GSK3B: variants seen among roughly 807,000 people sequenced by gnomAD.
GSK3B encodes the protein glycogen synthase kinase 3 beta.
In GSK3B, 15 loss-of-function variants were observed where a neutral mutation model predicts 56.4. That is an observed-to-expected ratio of 0.27 (90% CI 0.18 to 0.41). The LOEUF is 0.41. Among genes scored for constraint, GSK3B ranks in the 10% least tolerant of loss-of-function variants. GSK3B has a pLI of 1.00. For synonymous variants in GSK3B, 181 were observed against 188.9 expected (o/e 0.96, Z 0.34); for missense variants, 300 against 513.4 (o/e 0.58, Z 4.02).
intron 1 of GSK3B, among the ~76,000 whole-genome samples, chr3:120,070,570 A>G (rs1052946101): frequency 1.3e-5 from 2 of 152,222 alleles, no homozygotes; most frequent in African/African-American, 4.8e-5. Flanking sequence ...AATGTATGGA[A>G]TACCTAAAGA....
intron 2 of GSK3B, among the ~76,000 whole-genome samples, chr3:119,959,913 T>G (rs1263249943): frequency 1.3e-5 from 2 of 151,980 alleles, no homozygotes. Flanking sequence ...TTACCCAGGA[T>G]CCCAGCAATT....
At chr3:119,947,620 A>G (rs1189563807) in intron 2 of GSK3B, among the ~76,000 whole-genome samples, 2 of 152,180 alleles carry the variant, frequency 1.3e-5, no homozygotes, top group African/African-American at 4.8e-5. Context: ...ATATCTAAGA[A>G]TATGGTAATA....
At chr3:119,865,460 A>AT (rs2056167408) in intron 8 of GSK3B, among the ~76,000 whole-genome samples, 1 of 28,490 alleles carries the variant, frequency 3.5e-5, no homozygotes, top group Non-Finnish European at 7.1e-5. Context: ...ATATATATAT[A>AT]TATATATTTT....
intron 2 of GSK3B, 44 bp downstream of exon 2, chr3:120,002,002 G>A: frequency 1.6e-6 from 2 of 1,243,596 alleles, no homozygotes; most frequent in Admixed American, 4.7e-5. Flanking sequence ...TATGGTATAT[G>A]TATTACGACA....
At chr3:119,855,421 C>T (rs1281295354) in intron 9 of GSK3B, among the ~76,000 whole-genome samples, 19 of 152,260 alleles carry the variant, frequency 1.2e-4, no homozygotes, top group African/African-American at 2.4e-4. Context: ...GACAGTGTGG[C>T]GATTCCTCAA....
intron 9 of GSK3B, among the ~76,000 whole-genome samples, chr3:119,862,607 T>A (rs1349866204): frequency 6.7e-6 from 1 of 149,026 alleles, no homozygotes; most frequent in African/African-American, 2.4e-5. Context: ...AAACTCTACA[T>A]CTCCCTTTTT....
chr3:119,905,684 T>C (rs907707961), intron 7 of GSK3B, 71 bp downstream of exon 7: 2 of 875,078 alleles, frequency 2.3e-6, no homozygotes, highest in African/African-American at 1.6e-5. Context: ...TATGTGTACA[T>C]GTGTGATATA....
chr3:119,922,228 G>GGGAGGGAAGGAAGGAAGGAA (rs1406341579), intron 4 of GSK3B, among the ~76,000 whole-genome samples: 6 of 61,490 alleles, frequency 9.8e-5, no homozygotes, highest in South Asian at 6.5e-4. Flanking sequence ...GAAGGAAGGA[G>GGGAGGGAAGGAAGGAAGGAA]GGAAGGAAGG....
chr3:119,882,149 ATTC>A (rs980451908), intron 7 of GSK3B, among the ~76,000 whole-genome samples: 13 of 150,336 alleles, frequency 8.6e-5, no homozygotes, highest in Admixed American at 2.0e-4. Flanking sequence ...AAGTTTTACA[ATTC>A]TTGTTTTTTT....
chr3:119,831,283 T>C (rs1375396618), intron 10 of GSK3B, among the ~76,000 whole-genome samples: 1 of 152,112 alleles, frequency 6.6e-6, no homozygotes, highest in Non-Finnish European at 1.5e-5. Context: ...TTAAGATGAC[T>C]TTCATTTAGA....
At chr3:120,077,724 TATA>T (rs1349096901) in intron 1 of GSK3B, among the ~76,000 whole-genome samples, 1 of 152,160 alleles carries the variant, frequency 6.6e-6, no homozygotes, top group Non-Finnish European at 1.5e-5. Context: ...GCCATTTTAT[TATA>T]ATATGTATCA....
At position 119,822,967 on chromosome 3, in the gene GSK3B, T is replaced by G; in HGVS notation, c.*3821A>C. 1 of 229,414 alleles carries G rather than the reference T, an allele frequency of 4.4e-6. No individual in the cohort carries two copies. Among genetic ancestry groups the G allele is most frequent in the Admixed American group, 5.7e-5 (1 of 17,660 alleles). 14.2% of individuals were successfully genotyped at this position (229,414 alleles called of 1,614,324 possible). On this transcript the variant is annotated 3_prime_UTR_variant, in exon 11 of 11. Coordinates refer to ENST00000264235, the MANE Select transcript of GSK3B (RefSeq NM_001146156.2). ...AGAGAATACTCCTCTCAGAAACCTT[T>G]GCATTGGTGCAGACAAGATGACTGG...
At chr3:119,981,149 T>C (rs1315571150) in intron 2 of GSK3B, among the ~76,000 whole-genome samples, 1 of 152,208 alleles carries the variant, frequency 6.6e-6, no homozygotes, top group Non-Finnish European at 1.5e-5. Flanking sequence ...GGTCCTGGGC[T>C]CTACACCTAG....
intron 1 of GSK3B, among the ~76,000 whole-genome samples, chr3:120,078,576 T>C (rs1215315572): frequency 2.0e-5 from 3 of 150,642 alleles, no homozygotes; most frequent in Non-Finnish European, 4.4e-5. Flanking sequence ...TTTTCTGAGA[T>C]GGAGTCTTGC....
In GSK3B at chr3:120,028,878, G is replaced by T. The variant is rs1469653015; in HGVS notation, c.89-26639C>A. 1.0e-5 allele frequency: 5 copies of T among 478,428 alleles called. No homozygotes were observed. In the South Asian group the frequency reaches 1.1e-4, roughly 11 times the overall value. The allele number at this position is 478,428 out of a possible 1,614,324, so 29.6% of individuals were successfully genotyped here. On this transcript the variant is annotated intron_variant, in intron 1 of 10. Coordinates refer to ENST00000264235, the MANE Select transcript of GSK3B (RefSeq NM_001146156.2). ...GCTCAGACGCAGGTTTGGCTTCTTC[G>T]CAAAAATGTGGATTCAGAAAAGCAC...
chr3:120,093,260 G>A (rs2058529566), intron 1 of GSK3B, 87 bp downstream of exon 1: 3 of 877,210 alleles, frequency 3.4e-6, no homozygotes, highest in South Asian at 1.4e-5. Flanking sequence ...TTATCAGGAG[G>A]TCTAATAATT....
chr3:119,912,195 T>C (rs1170115630), intron 6 of GSK3B, among the ~76,000 whole-genome samples: 1 of 152,020 alleles, frequency 6.6e-6, no homozygotes, highest in African/African-American at 2.4e-5. Flanking sequence ...GGCCTGAGGA[T>C]AGGAAGAGAG....
intron 3 of GSK3B, among the ~76,000 whole-genome samples, chr3:119,934,244 A>T (rs1002837133): frequency 3.9e-5 from 6 of 152,250 alleles, no homozygotes; most frequent in African/African-American, 1.4e-4. Flanking sequence ...TACATCAGTC[A>T]GGTGTTGAAA....
intron 1 of GSK3B, among the ~76,000 whole-genome samples, chr3:120,007,963 G>C (rs1023634403): frequency 2.0e-5 from 3 of 152,166 alleles, no homozygotes; most frequent in Admixed American, 6.5e-5. Context: ...AATAGGAGGA[G>C]AGGAAGTCAA....
Sources: allele counts gnomAD v4.1 joint callset (sites outside exome capture counted in the v4.1 genomes callset), GRCh38; gene constraint gnomAD v4.1.1; transcripts MANE v1.5; gene names NCBI Gene and HGNC (gene_info 2026-07-23, HGNC 2026-07-21).